DNAH17: variants seen among roughly 807,000 people sequenced by gnomAD.
DNAH17 encodes dynein axonemal heavy chain 17, also known as axonemal beta dynein heavy chain 17.
Under a neutral mutation model 485.6 loss-of-function variants are expected in DNAH17, and 376 were observed. The observed-to-expected ratio is 0.77, with a 90% confidence interval of 0.71 to 0.84. The LOEUF (loss-of-function observed/expected upper bound fraction) is 0.84, where lower values mean the gene tolerates loss of function less well. DNAH17 is among the 40% of genes least tolerant of loss of function. DNAH17 has a pLI of 0.00. For missense variants in DNAH17, 6,370 were observed against 5,839.3 expected, an observed-to-expected ratio of 1.09 and a Z score of -2.96; for synonymous variants, 3,031 against 2,405.9, an observed-to-expected ratio of 1.26 and a Z score of -7.60.
At chr17:78,460,882 C>T (rs929262916) in intron 58 of DNAH17, among the ~76,000 whole-genome samples, 2 of 152,114 alleles carry the variant, frequency 1.3e-5, no homozygotes, top group Non-Finnish European at 2.9e-5. Context: ...TGTACATACT[C>T]ATTCATTCAC....
At chr17:78,568,302 C>CA (rs934693129) in intron 9 of DNAH17, among the ~76,000 whole-genome samples, 1 of 152,084 alleles carries the variant, frequency 6.6e-6, no homozygotes, top group African/African-American at 2.4e-5. Context: ...TCTGTGACTG[C>CA]AATTTTGAAC....
chr17:78,477,933 TCACCACCATCAC>T (rs2089115894), intron 51 of DNAH17, among the ~76,000 whole-genome samples: 3 of 147,956 alleles, frequency 2.0e-5, no homozygotes, highest in African/African-American at 7.7e-5. Context: ...ACCACCATCA[TCACCACCATCAC>T]CATTATCATC....
At chr17:78,513,818 AT>A (rs2090702568) in intron 26 of DNAH17, among the ~76,000 whole-genome samples, 1 of 152,046 alleles carries the variant, frequency 6.6e-6, no homozygotes, top group South Asian at 2.1e-4. Context: ...TGGAAAAATA[AT>A]TTTTTTCCTC....
chr17:78,533,065 CA>C, intron 19 of DNAH17: 1 of 230,084 alleles, frequency 4.3e-6, no homozygotes, highest in Non-Finnish European at 8.6e-6. Flanking sequence ...CCCAAGCTCT[CA>C]CCACGGGAAA....
intron 55 of DNAH17, among the ~76,000 whole-genome samples, chr17:78,468,328 C>A (rs976689287): frequency 6.6e-6 from 1 of 152,130 alleles, no homozygotes; most frequent in Non-Finnish European, 1.5e-5. Context: ...GAGCATCCAT[C>A]CCTCCGTGGA....
chr17:78,492,618 G>A lies in DNAH17; in HGVS notation c.6541+15C>T, dbSNP rs1157233306. 6.2e-7 allele frequency: 1 copy of A among 1,613,260 alleles called. No individual in the cohort carries two copies. The stretch of plus-strand genomic sequence containing the variant: ...GGAGTGCCCCTGCAGCCTGTCCCGG[G>A]ACCACCCTCGTTACCATCTTTCCAT... On this transcript the variant is annotated intron_variant, in intron 42 of 80. Transcript: ENST00000389840.
chr17:78,551,489 C>G (rs1449853701), intron 16 of DNAH17, 46 bp downstream of exon 16: 1 of 1,584,316 alleles, frequency 6.3e-7, no homozygotes, highest in Non-Finnish European at 8.7e-7. Context: ...CCAGGGCAGC[C>G]CCAGGCCCCC....
intron 16 of DNAH17, among the ~76,000 whole-genome samples, chr17:78,549,369 T>C (rs1382955424): frequency 6.6e-6 from 1 of 152,124 alleles, no homozygotes; most frequent in Non-Finnish European, 1.5e-5. Flanking sequence ...GTCTGCAGTA[T>C]TTTCTTGTAG....
At chr17:78,560,179 T>TTA (rs1435495611) in intron 13 of DNAH17, among the ~76,000 whole-genome samples, 1 of 152,146 alleles carries the variant, frequency 6.6e-6, no homozygotes, top group Non-Finnish European at 1.5e-5. Context: ...GATCACTAAT[T>TTA]TATCCCAAGC....
In DNAH17 at chr17:78,466,731, T is replaced by G; in HGVS notation, c.8864A>C (p.Asp2955Ala). 3 of 1,613,068 alleles carry G rather than the reference T, an allele frequency of 1.9e-6. No homozygotes were observed. The highest frequency in any genetic ancestry group is 2.5e-6 in the Non-Finnish European group (3 of 1,179,618). ...ATCTTCCGGCCACTCGTGGAACCAG[T>G]CGATGGCCGTGCAGTTGACCACAGC... ...FPAVVNCTAI[D>A]WFHEWPEDAL... is the part of the protein sequence containing the mutation. Residue 2955 changes from aspartate to alanine, a missense_variant, in exon 56 of 81, where the codon GAC becomes GCC. Transcript: ENST00000389840.
chr17:78,515,050 T>C lies in DNAH17; in HGVS notation c.3865-28A>G. 6 of 1,611,070 alleles carry C rather than the reference T, an allele frequency of 3.7e-6. No homozygotes were observed. In the South Asian group the frequency reaches 6.6e-5, roughly 18 times the overall value. ...GAAACGAAAACATCCCGTTTCTCCT[T>C]CCACTCTCATCAAGGAGAATTCAGG... On this transcript the variant is annotated intron_variant, in intron 25 of 80. Transcript: ENST00000389840.
intron 25 of DNAH17, 136 bp from the exon 26 acceptor site, chr17:78,515,158 G>T: frequency 2.9e-6 from 3 of 1,032,350 alleles, no homozygotes; most frequent in Non-Finnish European, 2.8e-6. Flanking sequence ...CCCGAGATCA[G>T]TAAAGTGATT....
At chr17:78,436,091 G>A (rs886370924) in intron 74 of DNAH17, among the ~76,000 whole-genome samples, 3 of 152,200 alleles carry the variant, frequency 2.0e-5, no homozygotes, top group Non-Finnish European at 2.9e-5. Flanking sequence ...TTCATGGACC[G>A]ATACACCCCA....
intron 54 of DNAH17, among the ~76,000 whole-genome samples, chr17:78,471,132 T>TA: frequency 6.6e-6 from 1 of 152,310 alleles, no homozygotes; most frequent in East Asian, 1.9e-4. Context: ...TGAAGAGGCT[T>TA]TAAAAGTGTC....
intron 24 of DNAH17, among the ~76,000 whole-genome samples, chr17:78,525,852 C>A (rs554039817): frequency 2.7e-4 from 41 of 152,352 alleles, no homozygotes; most frequent in Non-Finnish European, 1.5e-5. Flanking sequence ...CATGAGGAAA[C>A]GGCCATGAGG....
chr17:78,519,241 C>A (rs184661796), intron 25 of DNAH17, among the ~76,000 whole-genome samples: 1 of 150,010 alleles, frequency 6.7e-6, no homozygotes, highest in African/African-American at 2.5e-5. Flanking sequence ...AAGAGGAAGC[C>A]TCAAAAGAAA....
Position 78,475,316 on chromosome 17 carries a change from T to A in DNAH17, c.8473A>T (p.Ile2825Phe), listed in dbSNP as rs760234468. The change falls in exon 54 of 81, where the codon ATC becomes TTC. Residue 2825 changes from isoleucine (I) to phenylalanine (F), a missense_variant. Ile to Phe is a conservative substitution (Grantham distance 21). Transcript: ENST00000389840. The part of the protein sequence containing the change: ...AYISGLDVFQ[I>F]TLKKGYGIPD... ...ATCCCGTAGCCCTTCTTGAGGGTGA[T>A]CTGAAACACGTCAAGCCCGCTGATG... 4.3e-6 allele frequency: 7 copies of A among 1,613,984 alleles called. No homozygotes were observed. The East Asian group carries it at 6.7e-5, about 15-fold the overall frequency.
At chr17:78,460,128 G>A in intron 59 of DNAH17, 34 bp downstream of exon 59, 1 of 1,583,196 alleles carries the variant, frequency 6.3e-7, no homozygotes, top group Non-Finnish European at 8.6e-7. Context: ...CTCCAACCAG[G>A]CCAGGGGTCC....
In DNAH17 at chr17:78,449,458, A is replaced by G; in HGVS notation, c.11167T>C (p.Phe3723Leu). 6.4e-7 allele frequency: 1 copy of G among 1,555,188 alleles called. No individual in the cohort carries two copies. The highest frequency in any genetic ancestry group is 8.7e-7 in the Non-Finnish European group (1 of 1,148,992). The change falls in exon 69 of 81, where the codon TTC becomes CTC. Residue 3723 changes from phenylalanine to leucine, a missense_variant. Coordinates refer to ENST00000389840, the MANE Select transcript of DNAH17 (RefSeq NM_173628.4). ...SVYMYTARGL[F>L]ERDKLIFLAQ... ...AGGAAAATGAGTTTGTCCCTCTCGA[A>G]GAGTCCCCGGGCCGTGTACATGTAG...
Sources: gnomAD v4.1 joint callset for allele counts (sites outside exome capture counted in the v4.1 genomes callset) on GRCh38, gnomAD v4.1.1 for gene constraint, MANE v1.5 for transcripts, NCBI Gene and HGNC (gene_info 2026-07-23, HGNC 2026-07-21) for gene names.